The following AQR variants were observed in gnomAD, a reference collection of about 807,000 sequenced individuals.
AQR encodes the protein RNA helicase aquarius.
In AQR, 61 loss-of-function variants were observed where a neutral mutation model predicts 180.5. That is an observed-to-expected ratio of 0.34 (90% CI 0.28 to 0.42). The LOEUF is 0.42. Among genes scored for constraint, AQR ranks in the 10% least tolerant of loss-of-function variants. AQR has a pLI of 1.00. For missense variants in AQR, 1,281 were observed against 1,798.3 expected (o/e 0.71, Z 5.20); for synonymous variants, 551 against 588.8 (o/e 0.94, Z 0.93).
rs147746664 is a variant in AQR, at chr15:34,904,716, T to A, written c.1832-211A>T. On this transcript the variant is annotated intron_variant, in intron 18 of 34. Coordinates refer to ENST00000156471, the MANE Select transcript of AQR (RefSeq NM_014691.3). ...TTTCTCTAAATTCTTACTATTTCCT[T>A]CCATAGCAGTCATGTAATGTTTACG... 2.5e-3 allele frequency among the ~76,000 whole-genome samples: 380 copies of A among 152,144 alleles called. 7 individuals carry two copies. Among genetic ancestry groups the A allele is most frequent in the African/African-American group, 8.6e-3 (358 of 41,444 alleles).
intron 5 of AQR, among the ~76,000 whole-genome samples, chr15:34,946,487 G>C (rs563295036): frequency 1.4e-5 from 2 of 141,534 alleles, no homozygotes; most frequent in East Asian, 4.5e-4. Flanking sequence ...AGGTGGGGGG[G>C]TCAGCCCCCC....
rs866411098 is a variant in AQR, at chr15:34,918,110, T to G, written c.1342+148A>C. On this transcript the variant is annotated intron_variant, in intron 15 of 34. Coordinates refer to ENST00000156471, the MANE Select transcript of AQR (RefSeq NM_014691.3). ...TAAAGCATTCAAAATACTAAATCTT[T>G]TCTAGCTTCTAAAGTTAACTTCTGG... is the stretch of plus-strand genomic sequence containing the variant. 4.3e-5 allele frequency: 33 copies of G among 760,540 alleles called. No homozygotes were observed. In the African/African-American group the frequency reaches 4.9e-4, roughly 11 times the overall value. The allele number at this position is 760,540 out of a possible 1,614,324, so 47.1% of individuals were successfully genotyped here. A position where few individuals can be genotyped will look rare whatever the true frequency, so the allele number is the denominator to read the frequency against.
intron 16 of AQR, among the ~76,000 whole-genome samples, chr15:34,914,726 A>G (rs1037572604): frequency 6.6e-6 from 1 of 152,068 alleles, no homozygotes; most frequent in Non-Finnish European, 1.5e-5. Flanking sequence ...TAGCCTTCCA[A>G]TCGGCCTTTA....
intron 3 of AQR, among the ~76,000 whole-genome samples, chr15:34,958,138 G>A (rs1056729262): frequency 1.3e-5 from 2 of 152,104 alleles, no homozygotes; most frequent in African/African-American, 4.8e-5. Flanking sequence ...GACCCGGGAG[G>A]CAGAGCTTGC....
At chr15:34,871,495 GATCTC>G (rs1453935459) in intron 30 of AQR, among the ~76,000 whole-genome samples, 5 of 123,520 alleles carry the variant, frequency 4.0e-5, no homozygotes, top group African/African-American at 1.6e-4. Flanking sequence ...GACAAAGTGA[GATCTC>G]ATCTCCAAAA....
At position 34,853,798 on chromosome 15, in the gene AQR, C is replaced by A. The variant is rs985936216; in HGVS notation, c.*2994G>T. The A allele has an allele frequency of 4.6e-5, 7 of 152,192 alleles. No individual in the cohort carries two copies. Among genetic ancestry groups the A allele is most frequent in the African/African-American group, 1.7e-4 (7 of 41,450 alleles). The allele number at this position is 152,192 out of a possible 1,614,324, so 9.4% of individuals were successfully genotyped here. On this transcript the variant is annotated 3_prime_UTR_variant, in exon 35 of 35. Coordinates refer to ENST00000156471, the MANE Select transcript of AQR (RefSeq NM_014691.3). ...TCTCCTGTCCCAAATCCAAACAGAT[C>A]TTTTTCCTTTATTTACAGATAAAGA...
intron 29 of AQR, chr15:34,874,333 T>A: frequency 3.1e-6 from 1 of 323,078 alleles, no homozygotes; most frequent in African/African-American, 2.2e-5. Context: ...CTTTATGAAG[T>A]AAGAATTGGT....
Position 34,853,148 on chromosome 15 carries a change from T to C in AQR, c.*3644A>G, listed in dbSNP as rs1045663146. 2 of 152,192 alleles carry C rather than the reference T, an allele frequency of 1.3e-5. No individual in the cohort carries two copies. Among genetic ancestry groups the C allele is most frequent in the Admixed American group, 6.5e-5 (1 of 15,286 alleles). The allele number at this position is 152,192 out of a possible 1,614,324, so 9.4% of individuals were successfully genotyped here. A position where few individuals can be genotyped will look rare whatever the true frequency, so the allele number is the denominator to read the frequency against. ...AGTTCCATTATTCTTAAACATCTAT[T>C]AACATGATTGCTAAATAATTACACA... On this transcript the variant is annotated 3_prime_UTR_variant, in exon 35 of 35. Coordinates refer to ENST00000156471, the MANE Select transcript of AQR (RefSeq NM_014691.3).
At chr15:34,889,156 G>C (rs1017931907) in intron 24 of AQR, among the ~76,000 whole-genome samples, 1 of 152,138 alleles carries the variant, frequency 6.6e-6, no homozygotes, top group South Asian at 2.1e-4. Flanking sequence ...ACCTTTGTAA[G>C]TTGGCTTTAA....
At chr15:34,873,434 C>T (rs1018337976) in intron 30 of AQR, among the ~76,000 whole-genome samples, 2 of 151,960 alleles carry the variant, frequency 1.3e-5, no homozygotes, top group African/African-American at 4.8e-5. Flanking sequence ...TCCTGTTAGT[C>T]TTGATTTTTT....
intron 13 of AQR, among the ~76,000 whole-genome samples, chr15:34,922,917 T>C (rs967863357): frequency 6.6e-6 from 1 of 152,200 alleles, no homozygotes; most frequent in African/African-American, 2.4e-5. Flanking sequence ...CATGGGCTTA[T>C]TGACATCTAT....
chr15:34,879,652 T>G (rs1465561446), intron 27 of AQR, among the ~76,000 whole-genome samples: 2 of 152,184 alleles, frequency 1.3e-5, no homozygotes, highest in Admixed American at 1.3e-4. Context: ...TATTGGCTTC[T>G]AGTGCACTGA....
intron 13 of AQR, among the ~76,000 whole-genome samples, chr15:34,926,145 G>C (rs921618604): frequency 1.3e-5 from 2 of 151,094 alleles, no homozygotes; most frequent in Non-Finnish European, 2.9e-5. Flanking sequence ...GAAAGAGCGA[G>C]ACTCCGTCTC....
In AQR at chr15:34,932,298, T is replaced by G; in HGVS notation, c.900+20A>C. 6.4e-7 allele frequency: 1 copy of G among 1,562,474 alleles called. No individual in the cohort carries two copies. Among genetic ancestry groups the G allele is most frequent in the Non-Finnish European group, 8.8e-7 (1 of 1,133,224 alleles). On this transcript the variant is annotated intron_variant, in intron 11 of 34. Coordinates refer to ENST00000156471, the MANE Select transcript of AQR (RefSeq NM_014691.3). Reference sequence around the variant, plus strand: ...TTAGAAAGTAAAACAATAAATACGTTCAGATACATCAATATTCACCTGGGA... The same window carrying G: ...TTAGAAAGTAAAACAATAAATACGTGCAGATACATCAATATTCACCTGGGA...
chr15:34,891,605 T>C (rs1432208085), intron 23 of AQR, among the ~76,000 whole-genome samples: 4 of 152,104 alleles, frequency 2.6e-5, no homozygotes, highest in African/African-American at 9.7e-5. Flanking sequence ...AAATCAATCA[T>C]AAAGTAGAGG....
In AQR at chr15:34,854,335, T is replaced by C. The variant is rs1357471500; in HGVS notation, c.*2457A>G. 1 of 152,162 alleles carries C rather than the reference T, an allele frequency of 6.6e-6. No homozygotes were observed. The highest frequency in any genetic ancestry group is 1.5e-5 in the Non-Finnish European group (1 of 68,038). The allele number at this position is 152,162 out of a possible 1,614,324, so 9.4% of individuals were successfully genotyped here. On this transcript the variant is annotated 3_prime_UTR_variant, in exon 35 of 35. Coordinates refer to ENST00000156471, the MANE Select transcript of AQR (RefSeq NM_014691.3). ...GGAACACTAATCTGAAATAGTCACA[T>C]GGCTAGAGTACCTGTGTCTGTAGTA...
intron 7 of AQR, 27 bp downstream of exon 7, chr15:34,941,985 C>T (rs764485920): frequency 1.3e-6 from 2 of 1,567,934 alleles, no homozygotes; most frequent in Non-Finnish European, 1.8e-6. Flanking sequence ...CACATACATT[C>T]ATAAGACTCT....
rs1479433387 is a variant in AQR, at chr15:34,855,608, T to C, written c.*1184A>G. ...GCAGAGGTCCCTTGTCAGAAAACAT[T>C]AGTCACATTCACTGGTAATTCTACA... On this transcript the variant is annotated 3_prime_UTR_variant, in exon 35 of 35. Transcript: ENST00000156471. 6.6e-6 allele frequency: 1 copy of C among 151,878 alleles called. No individual in the cohort carries two copies. The highest frequency in any genetic ancestry group is 2.4e-5 in the African/African-American group (1 of 41,326). The allele number at this position is 151,878 out of a possible 1,614,324, so 9.4% of individuals were successfully genotyped here. A position where few individuals can be genotyped will look rare whatever the true frequency, so the allele number is the denominator to read the frequency against.
chr15:34,874,729 G>A lies in AQR; in HGVS notation c.3373C>T (p.Arg1125Cys), dbSNP rs1448725068. Reference protein sequence around the residue: ...MEQSLFTRFVRVGVPTVDLDA... With the variant: ...MEQSLFTRFVCVGVPTVDLDA... ...AGGTCAACAGTCGGAACTCCAACGC[G>A]AACAAAGCGAGTGAAGAGAGACTGC... Residue 1125 changes from arginine to cysteine, a missense_variant, in exon 29 of 35, where the codon CGC becomes TGC. By Grantham distance (180) the Arg-to-Cys change is radical. Around this residue, in one of 9 missense-constraint regions of AQR, gnomAD observed 197 missense variants for 320.7 expected, o/e 0.61. Transcript: ENST00000156471. 6 of 1,613,618 alleles carry A rather than the reference G, an allele frequency of 3.7e-6. No individual in the cohort carries two copies. The highest frequency in any genetic ancestry group is 2.2e-5 in the East Asian group (1 of 44,870).
Sources: allele counts gnomAD v4.1 joint callset (sites outside exome capture counted in the v4.1 genomes callset), GRCh38; gene constraint gnomAD v4.1.1; regional missense constraint gnomAD v4.1.1; transcripts MANE v1.5; gene names NCBI Gene and HGNC (gene_info 2026-07-23, HGNC 2026-07-21).